Variants in SRA1 observed in about 807,000 individuals in gnomAD.
SRA1 encodes the protein steroid receptor RNA activator 1.
In SRA1, 25 loss-of-function variants were observed where a neutral mutation model predicts 24.3. The observed-to-expected ratio is 1.03, with a 90% CI of 0.75 to 1.43. The LOEUF (loss-of-function observed/expected upper bound fraction) is 1.43. Among genes scored for constraint, SRA1 ranks in the 40% most tolerant of loss-of-function variants. The pLI is 0.00. For synonymous variants in SRA1, 104 were observed against 109.5 expected, an observed-to-expected ratio of 0.95 and a Z score of 0.31; for missense variants, 303 against 286.6, an observed-to-expected ratio of 1.06 and a Z score of -0.41.
At position 140,550,233 on chromosome 5, in the gene SRA1, T is replaced by C. The variant is rs1754503205; in HGVS notation, c.*467A>G. 1.1e-5 allele frequency: 2 copies of C among 189,360 alleles called. No homozygotes were observed. Among genetic ancestry groups the C allele is most frequent in the South Asian group, 2.1e-4 (2 of 9,690 alleles). The allele number at this position is 189,360 out of a possible 1,614,324, so 11.7% of individuals were successfully genotyped here. On this transcript the variant is annotated 3_prime_UTR_variant, in exon 5 of 5. Transcript: ENST00000336283. ...GTGCAAATAGGACTGTCTTTCCTTT[T>C]GTTGAGGGAAAAGTCTCCCCGTTCT...
chr5:140,550,200 G>A lies in SRA1; in HGVS notation c.*500C>T, dbSNP rs1398401781. 5.8e-6 allele frequency: 1 copy of A among 171,586 alleles called. No individual in the cohort carries two copies. The highest frequency in any genetic ancestry group is 2.4e-5 in the African/African-American group (1 of 41,814). 10.6% of individuals were successfully genotyped at this position (171,586 alleles called of 1,614,324 possible). A position where few individuals can be genotyped will look rare whatever the true frequency, so the allele number is the denominator to read the frequency against. On this transcript the variant is annotated 3_prime_UTR_variant, in exon 5 of 5. Transcript: ENST00000336283. ...TCTCTGTAACAGTAGTATCTCAAGGGTGATACAGTGCAAATAGGACTGTCT... is the reference window on the plus strand; with the variant it reads ...TCTCTGTAACAGTAGTATCTCAAGGATGATACAGTGCAAATAGGACTGTCT...
chr5:140,556,163 C>T (rs1754687143), intron 2 of SRA1, among the ~76,000 whole-genome samples: 1 of 152,244 alleles, frequency 6.6e-6, no homozygotes, highest in Non-Finnish European at 1.5e-5. Flanking sequence ...AAAGAATTAT[C>T]TGGCCACAAC....
chr5:140,557,235 G>A lies in SRA1; in HGVS notation c.63C>T (p.Phe21=), dbSNP rs757702024. The A allele has an allele frequency of 1.9e-6, 3 of 1,613,090 alleles. No individual in the cohort carries two copies. Among genetic ancestry groups the A allele is most frequent in the Non-Finnish European group, 2.5e-6 (3 of 1,180,006 alleles). The change falls in exon 2 of 5, where the codon TTC becomes TTT. Residue 21 remains phenylalanine, a synonymous_variant. Transcript: ENST00000336283. ...KERGWNDPPQ[F]SYGLQTQAGG... ...CGGCCTGGGTCTGCAGCCCGTATGA[G>A]AACTGCGGCGGGTCGTTCCAGCCGC... is the stretch of plus-strand genomic sequence containing the variant.
At chr5:140,555,408 T>C (rs973550390) in intron 2 of SRA1, among the ~76,000 whole-genome samples, 1 of 152,024 alleles carries the variant, frequency 6.6e-6, no homozygotes, top group African/African-American at 2.4e-5. Context: ...AATTTTTGTA[T>C]TTTTAGTAGA....
At chr5:140,555,063 G>C (rs1366504166) in intron 2 of SRA1, among the ~76,000 whole-genome samples, 1 of 151,852 alleles carries the variant, frequency 6.6e-6, no homozygotes, top group African/African-American at 2.4e-5. Flanking sequence ...ATTTTTAGTA[G>C]AGACAGGGTT....
chr5:140,553,799 T>C (rs1754623596), intron 2 of SRA1, among the ~76,000 whole-genome samples: 1 of 151,904 alleles, frequency 6.6e-6, no homozygotes, highest in Non-Finnish European at 1.5e-5. Flanking sequence ...GGTAAAAGAG[T>C]AGACGAGGGG....
upstream of SRA1, chr5:140,557,621 G>A: frequency 2.8e-6 from 2 of 722,424 alleles, no homozygotes; most frequent in South Asian, 1.9e-5. Context: ...AACTCCCTAA[G>A]ACTCGAAGGC....
chr5:140,554,616 C>T (rs1404185254), intron 2 of SRA1, among the ~76,000 whole-genome samples: 1 of 152,220 alleles, frequency 6.6e-6, no homozygotes, highest in Non-Finnish European at 1.5e-5. Context: ...GCATCATCAG[C>T]TCCCCCTCTC....
rs375245152 is a variant in SRA1, at chr5:140,557,110, T to A, written c.151+37A>T. On this transcript the variant is annotated intron_variant, in intron 2 of 4. Transcript: ENST00000336283. ...TATGCCTTACACCCCCCCCCCCCCA[T>A]TCTCCGTCTGTCTCCGAGCACAGGG... The A allele has an allele frequency of 1.2e-4, 119 of 1,017,414 alleles. No individual in the cohort carries two copies. The African/African-American group carries it at 2.1e-3, about 18-fold the overall frequency. 63.0% of individuals were successfully genotyped at this position (1,017,414 alleles called of 1,614,324 possible).
Position 140,550,844 on chromosome 5 carries a change from A to C in SRA1, c.531T>G (p.Thr177=). The C allele has an allele frequency of 1.2e-6, 2 of 1,614,174 alleles. No homozygotes were observed. The highest frequency in any genetic ancestry group is 1.7e-6 in the Non-Finnish European group (2 of 1,180,032). The change falls in exon 5 of 5, where the codon ACT becomes ACG. Residue 177 remains threonine, a synonymous_variant. Coordinates refer to ENST00000336283, the MANE Select transcript of SRA1 (RefSeq NM_001035235.4). ...CTCCTACCATCCACTGACTGACCTC[A>C]GTCACATGGTCAACCATGAGGGAGC... The part of the protein sequence containing the change: ...IHRSLMVDHV[T]EVSQWMVGVK...
chr5:140,551,411 C>T, intron 3 of SRA1: 1 of 450,438 alleles, frequency 2.2e-6, no homozygotes, highest in East Asian at 3.5e-5. Flanking sequence ...GGAATTCTCT[C>T]ATCTTCCCAC....
chr5:140,556,378 A>T (rs573662062), intron 2 of SRA1, among the ~76,000 whole-genome samples: 8 of 152,330 alleles, frequency 5.3e-5, no homozygotes, highest in African/African-American at 1.9e-4. Flanking sequence ...TTCTAACTTT[A>T]TGTAGATTAA....
rs773839686 is a variant in SRA1 at position 140,557,395 on chromosome 5, A to ACCTAGTGCCCTGGGGCGACG, written c.25+32_25+33insCGTCGCCCCAGGGCACTAGG. 1.3e-5 allele frequency: 20 copies of ACCTAGTGCCCTGGGGCGACG among 1,592,398 alleles called. No individual in the cohort carries two copies. In the South Asian group the frequency reaches 1.9e-4, roughly 15 times the overall value. On this transcript the variant is annotated intron_variant, in intron 1 of 4. Coordinates refer to ENST00000336283, the MANE Select transcript of SRA1 (RefSeq NM_001035235.4). The stretch of plus-strand genomic sequence containing the variant: ...CGCCCCCAGCCTAGGCCGGGGCGAC[A>ACCTAGTGCCCTGGGGCGACG]ACCTAGTGCCCTAGCCCGCCGGCTG...
chr5:140,554,686 C>T (rs1434458008), intron 2 of SRA1, among the ~76,000 whole-genome samples: 3 of 152,170 alleles, frequency 2.0e-5, no homozygotes, highest in Admixed American at 1.3e-4. Context: ...AAAACACTCC[C>T]TTACTTCATG....
At chr5:140,552,296 A>AT in intron 2 of SRA1, 112 bp from the exon 3 acceptor site, 2 of 829,742 alleles carry the variant, frequency 2.4e-6, no homozygotes, top group Middle Eastern at 6.4e-4. Context: ...TTCATTCAAA[A>AT]ATATGCATTT....
chr5:140,554,187 C>T (rs1279461318), intron 2 of SRA1, among the ~76,000 whole-genome samples: 1 of 152,184 alleles, frequency 6.6e-6, no homozygotes, highest in Non-Finnish European at 1.5e-5. Flanking sequence ...AATATTTTTA[C>T]CTCCTTTATC....
chr5:140,550,292 T>G lies in SRA1; in HGVS notation c.*408A>C, dbSNP rs6889768. The G allele has an allele frequency of 7.7e-3, 1,833 of 238,074 alleles. 35 individuals carry two copies. The highest frequency in any genetic ancestry group is 0.038 in the African/African-American group (1,706 of 44,398). The allele number at this position is 238,074 out of a possible 1,614,324, so 14.7% of individuals were successfully genotyped here. A position where few individuals can be genotyped will look rare whatever the true frequency, so the allele number is the denominator to read the frequency against. ...CTGTTCTCATGCTGAAATGAAACCA[T>G]CCAAACACAGCTGCTCCGCCCAGCA... On this transcript the variant is annotated 3_prime_UTR_variant, in exon 5 of 5. Coordinates refer to ENST00000336283, the MANE Select transcript of SRA1 (RefSeq NM_001035235.4).
At chr5:140,552,304 T>C (rs1754587452) in intron 2 of SRA1, 120 bp from the exon 3 acceptor site, 1 of 763,156 alleles carries the variant, frequency 1.3e-6, no homozygotes, top group Non-Finnish European at 2.1e-6. Flanking sequence ...AAAATATGCA[T>C]TTATGAAGTC....
intron 2 of SRA1, 117 bp downstream of exon 2, chr5:140,557,030 A>G: frequency 1.0e-6 from 1 of 971,096 alleles, no homozygotes; most frequent in Non-Finnish European, 1.5e-6. Flanking sequence ...TGGAGCCCCA[A>G]AACTTCTCTC....
Sources: allele counts gnomAD v4.1 joint callset (sites outside exome capture counted in the v4.1 genomes callset), GRCh38; gene constraint gnomAD v4.1.1; transcripts MANE v1.5; gene names NCBI Gene and HGNC (gene_info 2026-07-23, HGNC 2026-07-21).